CDH13: variants seen among roughly 807,000 people sequenced by gnomAD.
The protein encoded by CDH13 is cadherin-13.
In CDH13, 24 loss-of-function variants were observed where a neutral mutation model predicts 63.8. The observed-to-expected ratio is 0.38, with a 90% CI of 0.27 to 0.53. The LOEUF (loss-of-function observed/expected upper bound fraction) is 0.53, where lower values mean the gene tolerates loss of function less well. Ranked by LOEUF, CDH13 falls within the 20% of genes least tolerant of loss-of-function variation. The pLI is 0.85. For missense variants in CDH13, 1,049 were observed against 903.1 expected, an observed-to-expected ratio of 1.16 and a Z score of -2.07; for synonymous variants, 503 against 355.3, an observed-to-expected ratio of 1.42 and a Z score of -4.67.
chr16:82,660,190 C>T (rs939874586), intron 1 of CDH13, among the ~76,000 whole-genome samples: 13 of 152,106 alleles, frequency 8.5e-5, no homozygotes, highest in African/African-American at 3.1e-4. Flanking sequence ...CCAGAAATCA[C>T]GGGAACCAGG....
chr16:83,565,274 G>A (rs180875154), intron 7 of CDH13, among the ~76,000 whole-genome samples: 79 of 151,868 alleles, frequency 5.2e-4, no homozygotes, highest in Non-Finnish European at 9.4e-4. Flanking sequence ...GATGCCATCC[G>A]AAAGAGTTCT....
chr16:83,212,139 G>T (rs989761881), intron 4 of CDH13, among the ~76,000 whole-genome samples: 13 of 152,124 alleles, frequency 8.5e-5, no homozygotes, highest in Non-Finnish European at 1.5e-5. Flanking sequence ...CTGCAGCTGT[G>T]GAGTTCCCAG....
At chr16:82,988,193 A>T (rs72792123) in intron 2 of CDH13, among the ~76,000 whole-genome samples, 18,363 of 152,246 alleles carry the variant, frequency 0.12, 1,349 homozygotes, top group Middle Eastern at 0.19. Flanking sequence ...GCACATATGC[A>T]TGTAGTGTAT....
At position 82,644,005 on chromosome 16, in the gene CDH13, T is replaced by C. The variant is rs1909755246; in HGVS notation, c.45+16868T>C. Among the ~76,000 whole-genome samples, 1 of 152,170 alleles carries C rather than the reference T, an allele frequency of 6.6e-6. No homozygotes were observed. Among genetic ancestry groups the C allele is most frequent in the South Asian group, 2.1e-4 (1 of 4,822 alleles). On this transcript the variant is annotated intron_variant, in intron 1 of 13. Coordinates refer to ENST00000567109, the MANE Select transcript of CDH13 (RefSeq NM_001257.5). The surrounding 1 kb of genome is among the most constrained non-coding windows in gnomAD (Gnocchi z 5.7). ...CTTCAAGTGATCCTCCAGGAGTAGC[T>C]GGCATTACAGGCTTGGCTGACTTTT...
At chr16:82,956,717 C>G (rs559657170) in intron 2 of CDH13, among the ~76,000 whole-genome samples, 4 of 152,230 alleles carry the variant, frequency 2.6e-5, no homozygotes, top group Admixed American at 1.3e-4. Context: ...AAATCTCTTA[C>G]TATCCCTAGA....
chr16:83,292,675 A>G (rs2089493007), intron 5 of CDH13, among the ~76,000 whole-genome samples: 1 of 152,174 alleles, frequency 6.6e-6, no homozygotes, highest in Non-Finnish European at 1.5e-5. Flanking sequence ...AAATATTTGA[A>G]TTGGAATCGT....
At chr16:82,754,813 C>CA (rs1242946346) in intron 1 of CDH13, among the ~76,000 whole-genome samples, 1 of 152,068 alleles carries the variant, frequency 6.6e-6, no homozygotes, top group Admixed American at 6.5e-5. Context: ...ATGAATAATA[C>CA]AAAAAAATCC....
At chr16:83,104,276 A>G (rs947512299) in intron 3 of CDH13, among the ~76,000 whole-genome samples, 1 of 152,238 alleles carries the variant, frequency 6.6e-6, no homozygotes, top group African/African-American at 2.4e-5. Context: ...ACCTTCAAAG[A>G]ACACAGTAAT....
chr16:82,664,459 G>A (rs1291768022), intron 1 of CDH13, among the ~76,000 whole-genome samples: 2 of 152,340 alleles, frequency 1.3e-5, no homozygotes, highest in East Asian at 3.9e-4. Context: ...GCTTGGAAAA[G>A]CTGCCAGCCA....
chr16:83,464,606 C>T (rs373459256), intron 6 of CDH13, among the ~76,000 whole-genome samples: 24 of 152,014 alleles, frequency 1.6e-4, no homozygotes, highest in African/African-American at 4.6e-4. Flanking sequence ...GTGATCCACC[C>T]GCCTTGAGCT....
At chr16:83,344,712 G>C (rs535879429) in intron 5 of CDH13, 150 bp from the exon 6 acceptor site, 43 of 674,878 alleles carry the variant, frequency 6.4e-5, no homozygotes, top group African/African-American at 6.3e-4. Flanking sequence ...TTCTATTCTA[G>C]TCCCAGTGAC....
intron 7 of CDH13, among the ~76,000 whole-genome samples, chr16:83,497,331 A>G: frequency 6.6e-6 from 1 of 152,126 alleles, no homozygotes; most frequent in Non-Finnish European, 1.5e-5. Flanking sequence ...CTATGCAGCC[A>G]TAAAAAAGGA....
At chr16:82,696,251 G>A (rs566288904) in intron 1 of CDH13, among the ~76,000 whole-genome samples, 77 of 152,148 alleles carry the variant, frequency 5.1e-4, no homozygotes, top group Non-Finnish European at 8.1e-4. Flanking sequence ...TTTTATTCAC[G>A]TTATATATTA....
intron 6 of CDH13, among the ~76,000 whole-genome samples, chr16:83,410,724 A>G (rs1056974923): frequency 3.3e-5 from 5 of 152,198 alleles, no homozygotes; most frequent in Admixed American, 1.3e-4. Context: ...TCTGAAAAGT[A>G]TTATAAAGAA....
intron 2 of CDH13, 172 bp downstream of exon 2, chr16:82,858,645 TTAG>T (rs1207681390): frequency 1.2e-5 from 8 of 664,728 alleles, no homozygotes; most frequent in Admixed American, 4.2e-5. Flanking sequence ...CCTGGCCAAC[TTAG>T]AGGTTAATAG....
chr16:83,242,646 A>G (rs1904579720), intron 5 of CDH13, among the ~76,000 whole-genome samples: 1 of 152,236 alleles, frequency 6.6e-6, no homozygotes, highest in South Asian at 2.1e-4. Flanking sequence ...AGATCCTCAT[A>G]GAAGAGGCAA....
At chr16:82,679,754 T>C (rs748183888) in intron 1 of CDH13, among the ~76,000 whole-genome samples, 3 of 152,224 alleles carry the variant, frequency 2.0e-5, no homozygotes, top group Non-Finnish European at 4.4e-5. Context: ...ACAATGAGAA[T>C]GTGTTCATCT....
intron 10 of CDH13, among the ~76,000 whole-genome samples, chr16:83,704,504 C>G (rs182893565): frequency 6.6e-6 from 1 of 152,218 alleles, no homozygotes; most frequent in Non-Finnish European, 1.5e-5. Flanking sequence ...ATCTGTATCT[C>G]AGAGCAGGCA....
At chr16:82,948,191 A>T (rs1243382788) in intron 2 of CDH13, among the ~76,000 whole-genome samples, 1 of 152,178 alleles carries the variant, frequency 6.6e-6, no homozygotes, top group Non-Finnish European at 1.5e-5. Flanking sequence ...AGTTATTTGG[A>T]TAAGCCAACA....
Sources: gnomAD v4.1 joint callset for allele counts (sites outside exome capture counted in the v4.1 genomes callset) on GRCh38, gnomAD v4.1.1 for gene constraint, Gnocchi (gnomAD v3.1) non-coding constraint, MANE v1.5 for transcripts, NCBI Gene and HGNC (gene_info 2026-07-23, HGNC 2026-07-21) for gene names.